Variants in SEMA6D observed in about 807,000 individuals in gnomAD.
The protein encoded by SEMA6D is semaphorin 6D.
SEMA6D carries 35 observed loss-of-function variants against 106.6 expected under a neutral mutation model. That is an observed-to-expected ratio of 0.33 (90% CI 0.25 to 0.44). SEMA6D has a LOEUF of 0.44. SEMA6D is among the 20% of genes least tolerant of loss of function. The probability of loss-of-function intolerance (pLI) is 1.00; values close to 1 mark genes in which losing one functional copy is unlikely to be tolerated. For synonymous variants in SEMA6D, 499 were observed against 487.7 expected, an observed-to-expected ratio of 1.02 and a Z score of -0.31; for missense variants, 1,185 against 1,345.9, an observed-to-expected ratio of 0.88 and a Z score of 1.87.
chr15:47,440,014 C>A (rs770707098), intron 2 of SEMA6D, among the ~76,000 whole-genome samples: 1 of 152,016 alleles, frequency 6.6e-6, no homozygotes, highest in Non-Finnish European at 1.5e-5. Flanking sequence ...AGGTTGAGTT[C>A]GGAAGGTTAC....
chr15:47,692,569 C>T (rs1252545152), intron 4 of SEMA6D, among the ~76,000 whole-genome samples: 3 of 152,136 alleles, frequency 2.0e-5, no homozygotes, highest in South Asian at 4.1e-4. Context: ...AATATTGTCA[C>T]GTTACATTAA....
rs1357682612 is a variant in SEMA6D at position 47,616,392 on chromosome 15, G to A, written c.-55+15496G>A. Among the ~76,000 whole-genome samples, 10 of 151,954 alleles carry A rather than the reference G, an allele frequency of 6.6e-5. No individual in the cohort carries two copies. In the East Asian group the frequency reaches 7.8e-4, roughly 12 times the overall value. ...TCACCATGTTAGCCAGGATGGTCTC[G>A]ATCTCCTGACCTTGTGGTCCACTTG... On this transcript the variant is annotated intron_variant, in intron 4 of 19. Transcript: ENST00000558014.
chr15:47,248,528 C>T (rs919976979), intron 1 of SEMA6D, among the ~76,000 whole-genome samples: 46 of 152,172 alleles, frequency 3.0e-4, no homozygotes, highest in African/African-American at 9.9e-4. Flanking sequence ...TTACACAGAA[C>T]GGTTAAATTA....
intron 1 of SEMA6D, among the ~76,000 whole-genome samples, chr15:47,325,254 A>G (rs1303794659): frequency 6.6e-6 from 1 of 151,542 alleles, no homozygotes; most frequent in African/African-American, 2.4e-5. Flanking sequence ...GCTCACTGCA[A>G]CCTCCACCTC....
intron 1 of SEMA6D, among the ~76,000 whole-genome samples, chr15:47,337,173 C>T (rs1228773038): frequency 2.6e-5 from 4 of 152,138 alleles, no homozygotes; most frequent in Non-Finnish European, 5.9e-5. Context: ...AAGCAGATAT[C>T]CCCATGTGCT....
chr15:47,762,657 G>A (rs970993431), intron 8 of SEMA6D, among the ~76,000 whole-genome samples: 1 of 152,162 alleles, frequency 6.6e-6, no homozygotes, highest in Non-Finnish European at 1.5e-5. Context: ...GAATCGATTA[G>A]TCCGTATGAG....
chr15:47,526,752 T>C (rs1456379786), intron 3 of SEMA6D, among the ~76,000 whole-genome samples: 2 of 152,080 alleles, frequency 1.3e-5, no homozygotes, highest in East Asian at 3.9e-4. Context: ...TTTTTTTTTT[T>C]CTGAGACGGA....
chr15:47,590,747 G>T (rs1160329102), intron 3 of SEMA6D, among the ~76,000 whole-genome samples: 2 of 152,104 alleles, frequency 1.3e-5, no homozygotes, highest in Non-Finnish European at 1.5e-5. Flanking sequence ...GAATACCAAG[G>T]ATCGATGGCC....
intron 1 of SEMA6D, among the ~76,000 whole-genome samples, chr15:47,240,486 C>G (rs535503308): frequency 4.2e-4 from 64 of 152,266 alleles, no homozygotes; most frequent in African/African-American, 1.4e-3. Flanking sequence ...CTTTCTTCAT[C>G]TATGAAGTCA....
intron 1 of SEMA6D, among the ~76,000 whole-genome samples, chr15:47,186,537 T>C (rs1303875953): frequency 1.3e-5 from 2 of 152,310 alleles, no homozygotes; most frequent in East Asian, 3.9e-4. Flanking sequence ...CTCTTTTTTT[T>C]TTTTGCTTAA....
rs564896835 is a variant in SEMA6D, at chr15:47,188,118, C to T, written c.-239+3700C>T. Among the ~76,000 whole-genome samples, 299 of 152,136 alleles carry T rather than the reference C, an allele frequency of 2.0e-3. 2 individuals are homozygous for T. The highest frequency in any genetic ancestry group is 6.7e-3 in the African/African-American group (277 of 41,514). The stretch of plus-strand genomic sequence containing the variant: ...GTTCTATTTATGTAAAAATGGATAT[C>T]GTCAATGTTTATTTTGGGAACATTT... On this transcript the variant is annotated intron_variant, in intron 1 of 19. Coordinates refer to the SEMA6D transcript ENST00000558014.
At chr15:47,638,549 A>C (rs529171228) in intron 4 of SEMA6D, among the ~76,000 whole-genome samples, 2 of 152,360 alleles carry the variant, frequency 1.3e-5, no homozygotes, top group African/African-American at 4.8e-5. Flanking sequence ...CAATAATCAG[A>C]TGATAATGAA....
At chr15:47,579,583 C>T (rs1373565769) in intron 3 of SEMA6D, among the ~76,000 whole-genome samples, 1 of 152,190 alleles carries the variant, frequency 6.6e-6, no homozygotes, top group Non-Finnish European at 1.5e-5. Flanking sequence ...CTTCATAAAA[C>T]CATATGCATC....
intron 2 of SEMA6D, among the ~76,000 whole-genome samples, chr15:47,414,022 CA>C (rs2040881810): frequency 1.1e-5 from 1 of 89,554 alleles, no homozygotes; most frequent in African/African-American, 3.5e-5. Flanking sequence ...CATATTATTG[CA>C]GTAACTTTTA....
At chr15:47,296,270 G>A (rs1173104640) in intron 1 of SEMA6D, among the ~76,000 whole-genome samples, 2 of 152,216 alleles carry the variant, frequency 1.3e-5, no homozygotes, top group Non-Finnish European at 2.9e-5. Flanking sequence ...GATGAATGGA[G>A]AATGGTGAAT....
At chr15:47,600,827 G>C (rs1227234243) in intron 3 of SEMA6D, 1 of 152,108 alleles carries the variant, frequency 6.6e-6, no homozygotes, top group African/African-American at 2.4e-5. Context: ...AGAAGTAATG[G>C]AAAATCAATC....
chr15:47,712,496 T>C (rs2079039976), intron 4 of SEMA6D, among the ~76,000 whole-genome samples: 1 of 152,208 alleles, frequency 6.6e-6, no homozygotes, highest in African/African-American at 2.4e-5. Context: ...TGAGAATTAA[T>C]ACTATTGTAT....
intron 17 of SEMA6D, among the ~76,000 whole-genome samples, chr15:47,767,746 T>C (rs2082419365): frequency 6.6e-6 from 1 of 152,204 alleles, no homozygotes; most frequent in South Asian, 2.1e-4. Flanking sequence ...AGCGTAGGCT[T>C]ACATTTTGAG....
intron 3 of SEMA6D, among the ~76,000 whole-genome samples, chr15:47,490,656 A>G (rs1031690682): frequency 1.3e-5 from 2 of 152,166 alleles, no homozygotes; most frequent in Non-Finnish European, 2.9e-5. Context: ...AATAATAATA[A>G]TAATACAAAT....
Sources: allele counts gnomAD v4.1 joint callset (sites outside exome capture counted in the v4.1 genomes callset), GRCh38; gene constraint gnomAD v4.1.1; transcripts MANE v1.5; gene names NCBI Gene and HGNC (gene_info 2026-07-23, HGNC 2026-07-21).